PCDH9: variants seen among roughly 807,000 people sequenced by gnomAD.
PCDH9 encodes the protein protocadherin-9.
PCDH9 carries 24 observed loss-of-function variants against 70.6 expected under a neutral mutation model. That is an observed-to-expected ratio of 0.34 (90% CI 0.25 to 0.48). The LOEUF is 0.48. PCDH9 is among the 20% of genes least tolerant of loss of function. The pLI is 0.99. For synonymous variants in PCDH9, 562 were observed against 558.5 expected (o/e 1.01, Z -0.09); for missense variants, 1,281 against 1,503.6 (o/e 0.85, Z 2.45).
chr13:66,762,164 A>T (rs2079639690), intron 3 of PCDH9, among the ~76,000 whole-genome samples: 1 of 151,992 alleles, frequency 6.6e-6, no homozygotes, highest in Admixed American at 6.6e-5. Context: ...GCGATGCTGG[A>T]ATTCCATGGC....
At chr13:66,712,822 T>C (rs2078813863) in intron 3 of PCDH9, among the ~76,000 whole-genome samples, 1 of 152,174 alleles carries the variant, frequency 6.6e-6, no homozygotes, top group Non-Finnish European at 1.5e-5. Context: ...TAGAAAAGCA[T>C]ATATTATATT....
chr13:66,853,738 C>T (rs1379570823), intron 3 of PCDH9, among the ~76,000 whole-genome samples: 1 of 149,816 alleles, frequency 6.7e-6, no homozygotes, highest in African/African-American at 2.4e-5. Flanking sequence ...ATTCATAAAT[C>T]ATTTCCTTTT....
At chr13:66,993,744 G>C (rs1334407430) in intron 2 of PCDH9, among the ~76,000 whole-genome samples, 2 of 152,150 alleles carry the variant, frequency 1.3e-5, no homozygotes, top group Admixed American at 6.5e-5. Context: ...TTAAAATTAC[G>C]TATCTTATAA....
chr13:66,962,103 T>C (rs1215127690), intron 2 of PCDH9, among the ~76,000 whole-genome samples: 1 of 151,506 alleles, frequency 6.6e-6, no homozygotes, highest in Non-Finnish European at 1.5e-5. Flanking sequence ...AACATAGATA[T>C]CTTTGGCTAA....
chr13:67,202,255 A>G (rs747014485), intron 2 of PCDH9: 6 of 152,100 alleles, frequency 3.9e-5, no homozygotes, highest in Non-Finnish European at 8.8e-5. Flanking sequence ...AATAATGAGC[A>G]ATAGGGTTAT....
intron 4 of PCDH9, among the ~76,000 whole-genome samples, chr13:66,563,325 C>A (rs2076604420): frequency 1.3e-5 from 2 of 152,164 alleles, no homozygotes; most frequent in Non-Finnish European, 2.9e-5. Context: ...TAAATGGAAT[C>A]TATCAGCAAG....
chr13:66,863,150 A>G (rs956815138), intron 3 of PCDH9, among the ~76,000 whole-genome samples: 3 of 152,226 alleles, frequency 2.0e-5, no homozygotes, highest in African/African-American at 7.2e-5. Flanking sequence ...GTGTTAATAA[A>G]CAAACAAAAG....
chr13:66,353,535 C>G (rs1956327599), intron 4 of PCDH9, among the ~76,000 whole-genome samples: 1 of 152,060 alleles, frequency 6.6e-6, no homozygotes, highest in Non-Finnish European at 1.5e-5. Flanking sequence ...CTTGAAAGTG[C>G]TCTTGGTGCT....
intron 3 of PCDH9, among the ~76,000 whole-genome samples, chr13:66,772,974 A>G (rs1316378974): frequency 6.6e-6 from 1 of 152,170 alleles, no homozygotes; most frequent in African/African-American, 2.4e-5. Context: ...TACAAAAGAT[A>G]CCAGCGACAC....
chr13:67,011,366 T>C (rs2084449007), intron 2 of PCDH9, among the ~76,000 whole-genome samples: 1 of 151,902 alleles, frequency 6.6e-6, no homozygotes, highest in African/African-American at 2.4e-5. Context: ...TTTTACCAAC[T>C]GCATATCATG....
chr13:66,640,675 C>T (rs944627360), intron 3 of PCDH9, among the ~76,000 whole-genome samples: 6 of 152,014 alleles, frequency 3.9e-5, no homozygotes, highest in Non-Finnish European at 7.4e-5. Context: ...TAATGTTATT[C>T]CAAGTTAGAG....
chr13:66,793,350 A>G (rs2080190979), intron 3 of PCDH9, among the ~76,000 whole-genome samples: 2 of 152,178 alleles, frequency 1.3e-5, no homozygotes, highest in African/African-American at 4.8e-5. Flanking sequence ...TTTTCTGGTA[A>G]GAACATACAG....
At chr13:66,724,825 C>T (rs1358517663) in intron 3 of PCDH9, among the ~76,000 whole-genome samples, 3 of 152,286 alleles carry the variant, frequency 2.0e-5, no homozygotes, top group South Asian at 4.1e-4. Context: ...CCCACACTTC[C>T]CTACCTGCCT....
chr13:66,580,427 T>A (rs2076874824), intron 4 of PCDH9, among the ~76,000 whole-genome samples: 1 of 151,986 alleles, frequency 6.6e-6, no homozygotes, highest in Non-Finnish European at 1.5e-5. Flanking sequence ...AATAAGTATA[T>A]GTCTGTTATC....
intron 4 of PCDH9, among the ~76,000 whole-genome samples, chr13:66,332,651 C>G (rs1955964106): frequency 6.6e-6 from 1 of 151,928 alleles, no homozygotes; most frequent in Non-Finnish European, 1.5e-5. Context: ...GGTCTAGCCT[C>G]TCAGAGGAGG....
chr13:66,942,436 C>T (rs2083020995), intron 2 of PCDH9, among the ~76,000 whole-genome samples: 2 of 151,628 alleles, frequency 1.3e-5, no homozygotes, highest in Admixed American at 6.6e-5. Context: ...AAACCTCTAC[C>T]CATGTTGATC....
chr13:66,668,576 C>G (rs910195871), intron 3 of PCDH9, among the ~76,000 whole-genome samples: 13 of 151,990 alleles, frequency 8.6e-5, no homozygotes, highest in African/African-American at 2.7e-4. Context: ...CTAAATAGCC[C>G]CCTTGTTTGA....
intron 3 of PCDH9, among the ~76,000 whole-genome samples, chr13:66,864,143 T>C (rs2081531323): frequency 6.6e-6 from 1 of 152,046 alleles, no homozygotes; most frequent in East Asian, 1.9e-4. Context: ...GGAACTACAA[T>C]TTAAGATGAG....
intron 4 of PCDH9, among the ~76,000 whole-genome samples, chr13:66,454,320 T>C (rs1958274659): frequency 6.6e-6 from 1 of 152,174 alleles, no homozygotes; most frequent in African/African-American, 2.4e-5. Context: ...TTATCCACTG[T>C]CACATTTTTA....
Sources: gnomAD v4.1 joint callset for allele counts (sites outside exome capture counted in the v4.1 genomes callset) on GRCh38, gnomAD v4.1.1 for gene constraint, MANE v1.5 for transcripts, NCBI Gene and HGNC (gene_info 2026-07-23, HGNC 2026-07-21) for gene names.